CREB5: variants seen among roughly 807,000 people sequenced by gnomAD.
The protein encoded by CREB5 is cyclic AMP-responsive element-binding protein 5.
In CREB5, 19 loss-of-function variants were observed where a neutral mutation model predicts 57.1. The ratio of observed to expected loss-of-function variants is 0.33; its 90% CI spans 0.23 to 0.49. The LOEUF (loss-of-function observed/expected upper bound fraction) is 0.49, where lower values mean the gene tolerates loss of function less well. CREB5 is among the 20% of genes least tolerant of loss of function. The pLI is 0.99. For missense variants in CREB5, 579 were observed against 671.6 expected (o/e 0.86, Z 1.52); for synonymous variants, 238 against 238.3 (o/e 1.00, Z 0.01).
intron 1 of CREB5, among the ~76,000 whole-genome samples, chr7:28,420,532 C>G (rs1244678496): frequency 6.6e-6 from 1 of 152,130 alleles, no homozygotes; most frequent in Non-Finnish European, 1.5e-5. Flanking sequence ...TGAGGCCGGG[C>G]ATGGTGGCTC....
intron 5 of CREB5, among the ~76,000 whole-genome samples, chr7:28,604,832 TAAATA>T (rs1293021501): frequency 6.6e-6 from 1 of 152,086 alleles, no homozygotes; most frequent in African/African-American, 2.4e-5. Context: ...ACATTACTCT[TAAATA>T]AAGTGTTTTT....
intron 5 of CREB5, among the ~76,000 whole-genome samples, chr7:28,608,639 T>C (rs752019251): frequency 2.0e-5 from 3 of 152,134 alleles, no homozygotes; most frequent in Non-Finnish European, 2.9e-5. Context: ...GCATAAGGAC[T>C]TACATCAGTA....
chr7:28,540,497 G>C (rs552168401), intron 4 of CREB5, among the ~76,000 whole-genome samples: 1 of 152,104 alleles, frequency 6.6e-6, no homozygotes, highest in African/African-American at 2.4e-5. Context: ...CAAGGGATAC[G>C]GGAGGAGGCT....
intron 5 of CREB5, among the ~76,000 whole-genome samples, chr7:28,632,531 T>C (rs1798240940): frequency 6.6e-6 from 1 of 152,216 alleles, no homozygotes. Flanking sequence ...TCAAATGTTT[T>C]GTTCTTTAAA....
intron 4 of CREB5, among the ~76,000 whole-genome samples, chr7:28,530,468 G>A (rs1793675273): frequency 1.3e-5 from 2 of 152,164 alleles, no homozygotes; most frequent in Non-Finnish European, 2.9e-5. Flanking sequence ...TGTCCAGGCA[G>A]GAAACTGTGA....
At chr7:28,580,386 G>A (rs1583659405) in intron 5 of CREB5, among the ~76,000 whole-genome samples, 1 of 149,440 alleles carries the variant, frequency 6.7e-6, no homozygotes, top group Admixed American at 6.6e-5. Context: ...GTGTGGGGGG[G>A]GCATGTGGTG....
chr7:28,658,953 G>GTGTATATATATA (rs1400561698), intron 5 of CREB5, among the ~76,000 whole-genome samples: 8 of 99,600 alleles, frequency 8.0e-5, no homozygotes, highest in African/African-American at 2.3e-4. Context: ...GTGTGTGTGT[G>GTGTATATATATA]TATATATATA....
chr7:28,688,114 G>A (rs987971955), intron 5 of CREB5, among the ~76,000 whole-genome samples: 4 of 152,190 alleles, frequency 2.6e-5, no homozygotes, highest in African/African-American at 9.7e-5. Flanking sequence ...GGGGGAGGAT[G>A]GACAGGAGTA....
intron 1 of CREB5, among the ~76,000 whole-genome samples, chr7:28,312,003 C>G (rs1024460428): frequency 6.6e-6 from 1 of 152,136 alleles, no homozygotes; most frequent in Non-Finnish European, 1.5e-5. Flanking sequence ...CAGAGCCAGT[C>G]CTCCTGTGTT....
intron 1 of CREB5, among the ~76,000 whole-genome samples, chr7:28,456,503 T>A (rs1790098895): frequency 6.6e-6 from 1 of 152,134 alleles, no homozygotes; most frequent in South Asian, 2.1e-4. Flanking sequence ...ACAATGGTCT[T>A]TGGCTGGGGT....
intron 1 of CREB5, among the ~76,000 whole-genome samples, chr7:28,442,706 GT>G (rs534359308): frequency 1.1e-4 from 16 of 152,004 alleles, no homozygotes; most frequent in Non-Finnish European, 1.8e-4. Flanking sequence ...TCCTTTATGA[GT>G]TTTAACCACT....
intron 5 of CREB5, among the ~76,000 whole-genome samples, chr7:28,642,861 C>T (rs574321399): frequency 4.6e-5 from 7 of 151,994 alleles, no homozygotes; most frequent in East Asian, 3.9e-4. Context: ...TTTTTCAAGA[C>T]GGATGAACAC....
In CREB5 at chr7:28,638,929, A is replaced by C. The variant is rs577536211; in HGVS notation, c.464+68392A>C. On this transcript the variant is annotated intron_variant, in intron 5 of 10. Coordinates refer to ENST00000357727, the MANE Select transcript of CREB5 (RefSeq NM_182898.4). ...CCAGAGAGGTGAAATGTCTATATTC[A>C]TTTCTTACCCTGCTTATTTATTGTA... 4.6e-5 allele frequency among the ~76,000 whole-genome samples: 7 copies of C among 152,240 alleles called. No homozygotes were observed. In the East Asian group the frequency reaches 1.2e-3, roughly 25 times the overall value.
chr7:28,654,276 TGAG>T (rs1799250660), intron 5 of CREB5, among the ~76,000 whole-genome samples: 1 of 152,228 alleles, frequency 6.6e-6, no homozygotes, highest in Admixed American at 6.5e-5. Flanking sequence ...CTCAGCTTAC[TGAG>T]GAGTTCTGCT....
intron 1 of CREB5, among the ~76,000 whole-genome samples, chr7:28,481,134 T>C (rs763276680): frequency 3.9e-5 from 6 of 152,180 alleles, no homozygotes; most frequent in Non-Finnish European, 7.3e-5. Flanking sequence ...TACGGCCCCC[T>C]CTGGGAAGTA....
Position 28,546,259 on chromosome 7 carries a change from T to C in CREB5, c.292-24106T>C, listed in dbSNP as rs147536533. 2.7e-3 allele frequency among the ~76,000 whole-genome samples: 407 copies of C among 152,360 alleles called. 3 individuals carry two copies. The highest frequency in any genetic ancestry group is 9.1e-3 in the African/African-American group (380 of 41,592). ...AATGGCCAAATAATATTCCATTGTA[T>C]GGATGTACCACATGTTGTTTATCCA... On this transcript the variant is annotated intron_variant, in intron 4 of 10. Coordinates refer to ENST00000357727, the MANE Select transcript of CREB5 (RefSeq NM_182898.4).
In CREB5 at chr7:28,538,494, T is replaced by G. The variant is rs563502928; in HGVS notation, c.291+30757T>G. Among the ~76,000 whole-genome samples the G allele has an allele frequency of 1.2e-4, 19 of 152,354 alleles. 1 individual carries two copies. The highest frequency in any genetic ancestry group is 4.1e-4 in the African/African-American group (17 of 41,588). Reference sequence around the variant, plus strand: ...ATAATATATGACTCTTCTCTTTTTTTCTTTCACGACGTTGCTAGGGGTTGA... The same window carrying G: ...ATAATATATGACTCTTCTCTTTTTTGCTTTCACGACGTTGCTAGGGGTTGA... On this transcript the variant is annotated intron_variant, in intron 4 of 10. Transcript: ENST00000357727.
Position 28,674,392 on chromosome 7 carries a change from T to C in CREB5, c.465-44361T>C, listed in dbSNP as rs559739358. On this transcript the variant is annotated intron_variant, in intron 5 of 10. Transcript: ENST00000357727. ...ATCTGAAGTGACTGTTGTACTGACA[T>C]TGGCTTCCAGGACTCTTTCCTGTCC... 9.3e-4 allele frequency among the ~76,000 whole-genome samples: 141 copies of C among 152,310 alleles called. 1 individual carries two copies. Among genetic ancestry groups the C allele is most frequent in the African/African-American group, 3.3e-3 (137 of 41,556 alleles).
upstream of CREB5, among the ~76,000 whole-genome samples, chr7:28,412,347 T>G (rs1183818146): frequency 2.0e-5 from 3 of 152,222 alleles, 1 homozygote; most frequent in Non-Finnish European, 4.4e-5. Flanking sequence ...AACAAACAAT[T>G]GGACCTTTAG....
Sources: gnomAD v4.1 joint callset for allele counts (sites outside exome capture counted in the v4.1 genomes callset) on GRCh38, gnomAD v4.1.1 for gene constraint, MANE v1.5 for transcripts, NCBI Gene and HGNC (gene_info 2026-07-23, HGNC 2026-07-21) for gene names.